Variants in BPTF observed in about 807,000 individuals in gnomAD.
BPTF encodes bromodomain PHD finger transcription factor.
Under a neutral mutation model 292.5 loss-of-function variants are expected in BPTF, and 18 were observed. The ratio of observed to expected loss-of-function variants is 0.06; its 90% CI spans 0.04 to 0.09. BPTF has a LOEUF of 0.09. BPTF is among the 10% of genes least tolerant of loss of function. The pLI, the probability that BPTF is intolerant of heterozygous loss-of-function variation, is 1.00. For synonymous variants in BPTF, 1,225 were observed against 1,251.9 expected, an observed-to-expected ratio of 0.98 and a Z score of 0.45; for missense variants, 2,726 against 3,498.7, an observed-to-expected ratio of 0.78 and a Z score of 5.57.
At chr17:67,836,666 A>G (rs928533918) in intron 1 of BPTF, among the ~76,000 whole-genome samples, 1 of 152,222 alleles carries the variant, frequency 6.6e-6, no homozygotes, top group African/African-American at 2.4e-5. Flanking sequence ...CAAATCCTTA[A>G]CAATATCGTA....
chr17:67,864,519 C>A (rs1236071302), intron 2 of BPTF, among the ~76,000 whole-genome samples: 240 of 123,480 alleles, frequency 1.9e-3, no homozygotes, highest in African/African-American at 8.1e-3. Context: ...CAGAGTGAGA[C>A]TCCATCACAA....
chr17:67,902,304 AT>A (rs1310675248), intron 7 of BPTF, among the ~76,000 whole-genome samples: 1 of 152,150 alleles, frequency 6.6e-6, no homozygotes, highest in Non-Finnish European at 1.5e-5. Context: ...CCCAGTTGCC[AT>A]GCTGGACCTG....
intron 26 of BPTF, among the ~76,000 whole-genome samples, chr17:67,967,522 A>G (rs574036028): frequency 3.3e-5 from 5 of 152,208 alleles, no homozygotes; most frequent in African/African-American, 9.6e-5. Flanking sequence ...GGCAGTGTTT[A>G]TAATTACAAA....
intron 23 of BPTF, among the ~76,000 whole-genome samples, chr17:67,949,319 C>T (rs1415342831): frequency 6.6e-6 from 1 of 151,952 alleles, no homozygotes; most frequent in African/African-American, 2.4e-5. Context: ...GAGCCTTGAT[C>T]GCACCACTGC....
intron 3 of BPTF, among the ~76,000 whole-genome samples, chr17:67,874,163 G>C (rs2059921368): frequency 6.6e-6 from 1 of 152,172 alleles, no homozygotes; most frequent in Admixed American, 6.5e-5. Flanking sequence ...AGTGCGTACT[G>C]ATATACCGTG....
intron 4 of BPTF, among the ~76,000 whole-genome samples, chr17:67,876,851 A>G (rs528981524): frequency 6.6e-6 from 1 of 152,172 alleles, no homozygotes; most frequent in African/African-American, 2.4e-5. Context: ...ATATGAAAAC[A>G]TAAGCAAGAA....
At chr17:67,835,529 G>A (rs779724381) in intron 1 of BPTF, among the ~76,000 whole-genome samples, 1 of 152,146 alleles carries the variant, frequency 6.6e-6, no homozygotes. Flanking sequence ...CATTATTTGT[G>A]TATGTGATGG....
intron 11 of BPTF, 80 bp from the exon 12 acceptor site, chr17:67,918,634 G>A: frequency 7.3e-7 from 1 of 1,370,430 alleles, no homozygotes; most frequent in Non-Finnish European, 1.0e-6. Flanking sequence ...CAGCCCTTCA[G>A]TTTAGTAGAG....
chr17:67,841,022 A>T (rs1486580543), intron 1 of BPTF, among the ~76,000 whole-genome samples: 1 of 152,166 alleles, frequency 6.6e-6, no homozygotes, highest in Non-Finnish European at 1.5e-5. Flanking sequence ...ATTTTGATAA[A>T]GTCTAATTTA....
intron 23 of BPTF, among the ~76,000 whole-genome samples, chr17:67,953,961 C>CTTTTTTTTTTTTTTT (rs869063412): frequency 1.7e-4 from 11 of 65,638 alleles, no homozygotes; most frequent in African/African-American, 7.2e-4. Flanking sequence ...CTTTTCTTTT[C>CTTTTTTTTTTTTTTT]TTTTTTTTTT....
chr17:67,869,968 C>A (rs1295200839), intron 3 of BPTF, among the ~76,000 whole-genome samples: 4 of 146,172 alleles, frequency 2.7e-5, no homozygotes, highest in African/African-American at 7.7e-5. Context: ...CCACTGCACT[C>A]CAGCCTGGGC....
intron 3 of BPTF, among the ~76,000 whole-genome samples, chr17:67,870,664 A>T (rs2059664073): frequency 6.6e-6 from 1 of 152,026 alleles, no homozygotes; most frequent in African/African-American, 2.4e-5. Context: ...TGGGGTTCTG[A>T]TAATAGCCAA....
Position 67,897,187 on chromosome 17 carries a change from C to T in BPTF, c.2543+3022C>T, listed in dbSNP as rs184047237. ...ACTTAAAAAAAACAAAAACAAAAAA[C>T]GAAATTAACCAGGCGTGGTGGCACA... On this transcript the variant is annotated intron_variant, in intron 7 of 27. Coordinates refer to ENST00000306378, the MANE Select transcript of BPTF (RefSeq NM_182641.4). Among the ~76,000 whole-genome samples, 341 of 149,114 alleles carry T rather than the reference C, an allele frequency of 2.3e-3. 2 individuals carry two copies. Among genetic ancestry groups the T allele is most frequent in the Non-Finnish European group, 2.7e-3 (182 of 67,336 alleles).
intron 1 of BPTF, among the ~76,000 whole-genome samples, chr17:67,834,275 G>A (rs1271993032): frequency 1.3e-5 from 2 of 152,190 alleles, no homozygotes; most frequent in African/African-American, 4.8e-5. Context: ...TGTTCAGAGA[G>A]TATACTTTGT....
chr17:67,826,025 AGGACGGGGGGCGGGGGCGGCG>A lies in BPTF; in HGVS notation c.303_323del (p.Arg101_Gly108delinsSer), dbSNP rs1312700603. The A allele has an allele frequency of 4.2e-5, 49 of 1,180,540 alleles. No individual in the cohort carries two copies. The highest frequency in any genetic ancestry group is 8.8e-5 in the Admixed American group (2 of 22,610). 73.1% of individuals were successfully genotyped at this position (1,180,540 alleles called of 1,614,324 possible). ...GGGGGGGCGAGGAGGCGGGGGCGGC[AGGACGGGGGGCGGGGGCGGCG>A]GCGGCCACCTGGCCCGGACCACCGC... is the stretch of plus-strand genomic sequence containing the variant. On this transcript the variant is annotated inframe_deletion, in exon 1 of 28. Transcript: ENST00000306378.
chr17:67,938,740 T>G (rs191079032), intron 18 of BPTF, among the ~76,000 whole-genome samples: 78 of 152,310 alleles, frequency 5.1e-4, no homozygotes, highest in African/African-American at 1.9e-3. Flanking sequence ...AGCCAAAATT[T>G]TTAAAAAGAC....
At chr17:67,874,321 A>T (rs1329176809) in intron 3 of BPTF, among the ~76,000 whole-genome samples, 3 of 152,170 alleles carry the variant, frequency 2.0e-5, no homozygotes, top group African/African-American at 7.2e-5. Context: ...TTGTTTCCAA[A>T]AGGGCCTCTG....
rs1430020482 is a variant in BPTF, at chr17:67,893,336, A to C, written c.2056-34A>C. Reference sequence around the variant, plus strand: ...GATGAAATTCACATCTTTGATTGACATAAATAATGCAGTCTTTTTATTTTT... The same window carrying C: ...GATGAAATTCACATCTTTGATTGACCTAAATAATGCAGTCTTTTTATTTTT... On this transcript the variant is annotated intron_variant, in intron 5 of 27. Coordinates refer to ENST00000306378, the MANE Select transcript of BPTF (RefSeq NM_182641.4). 3.1e-6 allele frequency: 4 copies of C among 1,289,556 alleles called. No homozygotes were observed. The African/African-American group carries it at 5.9e-5, about 19-fold the overall frequency. The allele number at this position is 1,289,556 out of a possible 1,614,324, so 79.9% of individuals were successfully genotyped here.
chr17:67,942,323 CAA>C (rs59037558), intron 19 of BPTF, among the ~76,000 whole-genome samples: 3 of 151,268 alleles, frequency 2.0e-5, no homozygotes, highest in South Asian at 2.1e-4. Context: ...AAAAGAAAAA[CAA>C]AAAAAAAAGG....
Sources: allele counts gnomAD v4.1 joint callset (sites outside exome capture counted in the v4.1 genomes callset), GRCh38; gene constraint gnomAD v4.1.1; transcripts MANE v1.5; gene names NCBI Gene and HGNC (gene_info 2026-07-23, HGNC 2026-07-21).